The following RNF6 variants were observed in gnomAD, a reference collection of about 807,000 sequenced individuals.
RNF6 encodes ring finger protein 6.
In RNF6, 21 loss-of-function variants were observed where a neutral mutation model predicts 50.1. That is an observed-to-expected ratio of 0.42 (90% confidence interval 0.30 to 0.60). RNF6 has a LOEUF of 0.60. Among genes scored for constraint, RNF6 ranks in the 20% least tolerant of loss-of-function variants. RNF6 has a pLI of 0.20. For synonymous variants in RNF6, 255 were observed against 291.8 expected, an observed-to-expected ratio of 0.87 and a Z score of 1.29; for missense variants, 698 against 838.2, an observed-to-expected ratio of 0.83 and a Z score of 2.07.
At chr13:26,192,215 G>A (rs1213289372) in intron 5 of RNF6, among the ~76,000 whole-genome samples, 2 of 152,128 alleles carry the variant, frequency 1.3e-5, no homozygotes, top group Non-Finnish European at 2.9e-5. Context: ...ATTGAAAATG[G>A]GCAAAGGCAG....
intron 5 of RNF6, among the ~76,000 whole-genome samples, chr13:26,158,192 C>T (rs911775050): frequency 6.6e-5 from 10 of 152,122 alleles, no homozygotes; most frequent in Non-Finnish European, 1.3e-4. Context: ...CTCTGCAACA[C>T]CTCCATAAGA....
chr13:26,182,425 T>C (rs1873286531), intron 5 of RNF6, among the ~76,000 whole-genome samples: 3 of 152,208 alleles, frequency 2.0e-5, no homozygotes, highest in Non-Finnish European at 2.9e-5. Context: ...AAAATATCAG[T>C]GTGTCATTTT....
intron 4 of RNF6, among the ~76,000 whole-genome samples, chr13:26,217,807 C>T (rs1018052162): frequency 1.3e-5 from 2 of 152,174 alleles, no homozygotes; most frequent in African/African-American, 4.8e-5. Context: ...TACTGAACAG[C>T]ACAGTTGTAG....
chr13:26,203,438 T>C lies in RNF6; in HGVS notation n.768+12036A>G, dbSNP rs563064244. Among the ~76,000 whole-genome samples the C allele has an allele frequency of 1.6e-3, 251 of 152,340 alleles. 1 individual carries two copies. The highest frequency in any genetic ancestry group is 5.9e-3 in the African/African-American group (244 of 41,578). ...TTGTTTCTAAATGTGCTAAGGATGT[T>C]AAATATTTGTGGTAGTCATGGAGGT... On this transcript the variant is annotated intron_variant and non_coding_transcript_variant, in intron 5 of 5. Coordinates refer to the RNF6 transcript ENST00000468480.
downstream of RNF6, among the ~76,000 whole-genome samples, chr13:26,209,712 G>C (rs1273787753): frequency 6.6e-6 from 1 of 152,172 alleles, no homozygotes; most frequent in Non-Finnish European, 1.5e-5. Flanking sequence ...CAGCACATTT[G>C]GAATTGCACA....
intron 5 of RNF6, among the ~76,000 whole-genome samples, chr13:26,200,354 T>C (rs1868846388): frequency 6.6e-6 from 1 of 152,026 alleles, no homozygotes; most frequent in Non-Finnish European, 1.5e-5. Flanking sequence ...GGTGCCATGC[T>C]CAGATGAGCC....
At chr13:26,221,376 TA>T (rs1053658900) in intron 1 of RNF6, 46 bp from the exon 2 acceptor site, 71 of 152,204 alleles carry the variant, frequency 4.7e-4, no homozygotes, top group African/African-American at 1.6e-3. Context: ...ACTGTTTCTT[TA>T]AAGGCCAGGA....
chr13:26,214,381 C>A lies in RNF6; in HGVS notation c.1501G>T (p.Asp501Tyr). Residue 501 changes from aspartate to tyrosine, a missense_variant, in exon 5 of 5, where the codon GAT becomes TAT. Transcript: ENST00000381588. ...FGELSSLMEA[D>Y]SESELQRNGQ... Reference sequence around the variant, plus strand: ...TTTCTTTGAAGTTCTGACTCAGAATCGGCCTCCATTAGAGAACTCAGTTCT... The same window carrying A: ...TTTCTTTGAAGTTCTGACTCAGAATAGGCCTCCATTAGAGAACTCAGTTCT... 1 of 1,614,076 alleles carries A rather than the reference C, an allele frequency of 6.2e-7. No homozygotes were observed. The highest frequency in any genetic ancestry group is 8.5e-7 in the Non-Finnish European group (1 of 1,180,034).
chr13:26,184,018 A>ATATTT (rs1335766541), intron 5 of RNF6, among the ~76,000 whole-genome samples: 20 of 33,940 alleles, frequency 5.9e-4, no homozygotes, highest in African/African-American at 1.6e-3. Flanking sequence ...ATATATATAT[A>ATATTT]TTTTTTTTTT....
chr13:26,218,432 T>C (rs1870115705), intron 4 of RNF6, 79 bp downstream of exon 4: 2 of 1,085,918 alleles, frequency 1.8e-6, no homozygotes, highest in African/African-American at 1.6e-5. Context: ...AAGACAAACA[T>C]ACTATACAAG....
chr13:26,205,829 T>C (rs1331268216), intron 5 of RNF6, among the ~76,000 whole-genome samples: 1 of 152,182 alleles, frequency 6.6e-6, no homozygotes, highest in Non-Finnish European at 1.5e-5. Flanking sequence ...GCCTGTCACA[T>C]GTCGAAACCC....
intron 5 of RNF6, among the ~76,000 whole-genome samples, chr13:26,185,991 G>A (rs1873501299): frequency 6.6e-6 from 1 of 152,020 alleles, no homozygotes; most frequent in Non-Finnish European, 1.5e-5. Context: ...CTCCCACCCC[G>A]TGCCCTTATG....
chr13:26,163,266 C>G (rs1174279334), intron 5 of RNF6, among the ~76,000 whole-genome samples: 1 of 151,404 alleles, frequency 6.6e-6, no homozygotes, highest in African/African-American at 2.4e-5. Flanking sequence ...GAGTCGAGAT[C>G]GCGCCATTGC....
At position 26,178,591 on chromosome 13, in the gene RNF6, CGTGTGTGTGTGTGTGTGT is replaced by C. The variant is rs3981342; in HGVS notation, n.768+36865_768+36882del. Among the ~76,000 whole-genome samples the C allele has an allele frequency of 9.3e-3, 932 of 100,326 alleles. 7 individuals are homozygous for C. Among genetic ancestry groups the C allele is most frequent in the African/African-American group, 0.031 (842 of 27,320 alleles). The allele number at this position is 100,326 out of a possible 152,430, so 65.8% of individuals were successfully genotyped here. A position where few individuals can be genotyped will look rare whatever the true frequency, so the allele number is the denominator to read the frequency against. On this transcript the variant is annotated intron_variant and non_coding_transcript_variant, in intron 5 of 5. Coordinates refer to the RNF6 transcript ENST00000468480. ...TGGCGGACCAGGTGTCTGCCTGGTC[CGTGTGTGTGTGTGTGTGT>C]GTGTGTGTGTGTGTGTGTGTGTGTG...
chr13:26,152,021 C>A (rs752204629), intron 5 of RNF6, among the ~76,000 whole-genome samples: 4 of 152,144 alleles, frequency 2.6e-5, no homozygotes, highest in Non-Finnish European at 5.9e-5. Context: ...TGAAGTCCAA[C>A]CTTCTGCGGG....
intron 5 of RNF6, among the ~76,000 whole-genome samples, chr13:26,195,809 CACAT>C (rs765180116): frequency 2.0e-5 from 3 of 152,198 alleles, no homozygotes; most frequent in Admixed American, 1.3e-4. Flanking sequence ...CACCCACACA[CACAT>C]ACATACAATT....
chr13:26,174,140 A>G (rs986906912), intron 5 of RNF6, among the ~76,000 whole-genome samples: 3 of 152,098 alleles, frequency 2.0e-5, no homozygotes, highest in Non-Finnish European at 4.4e-5. Context: ...GCAGCAGGTA[A>G]ATTACATATG....
chr13:26,217,651 T>G (rs992281850), intron 4 of RNF6, among the ~76,000 whole-genome samples: 5 of 152,256 alleles, frequency 3.3e-5, no homozygotes, highest in Admixed American at 6.5e-5. Flanking sequence ...GTATGTTCTG[T>G]ATTTGTGCTG....
rs553017837 is a variant in RNF6 at position 26,203,203 on chromosome 13, G to A, written n.768+12271C>T. Among the ~76,000 whole-genome samples the A allele has an allele frequency of 4.2e-3, 634 of 152,234 alleles. 2 individuals carry two copies. The highest frequency in any genetic ancestry group is 7.1e-3 in the African/African-American group (293 of 41,528). ...ATACTGAGTGCAGGTTGGGGTTCTC[G>A]GCTTTGACAAAGAGGCTTGGCAGAC... On this transcript the variant is annotated intron_variant and non_coding_transcript_variant, in intron 5 of 5. Coordinates refer to the RNF6 transcript ENST00000468480.
Sources: gnomAD v4.1 joint callset for allele counts (sites outside exome capture counted in the v4.1 genomes callset) on GRCh38, gnomAD v4.1.1 for gene constraint, MANE v1.5 for transcripts, NCBI Gene and HGNC (gene_info 2026-07-23, HGNC 2026-07-21) for gene names.